Variants in SKAP1 observed in about 807,000 individuals in gnomAD.
SKAP1 encodes src kinase-associated phosphoprotein 1.
A neutral mutation model predicts 58.5 loss-of-function variants in SKAP1; 44 were observed. The ratio of observed to expected loss-of-function variants is 0.75; its 90% CI spans 0.59 to 0.97. The LOEUF is 0.97. Ranked by LOEUF, SKAP1 falls within the 50% of genes least tolerant of loss-of-function variation. The probability of loss-of-function intolerance (pLI) is 0.00; values close to 1 mark genes in which losing one functional copy is unlikely to be tolerated. For missense variants in SKAP1, 390 were observed against 435.2 expected (o/e 0.90, Z 0.92); for synonymous variants, 127 against 149.7 (o/e 0.85, Z 1.11).
intron 1 of SKAP1, among the ~76,000 whole-genome samples, chr17:48,424,589 T>C (rs1378628063): frequency 6.6e-6 from 1 of 151,592 alleles, no homozygotes; most frequent in Admixed American, 6.6e-5. Flanking sequence ...GATTTCAACA[T>C]AAAAATTTTG....
At chr17:48,372,989 A>C (rs2067105497) in intron 2 of SKAP1, among the ~76,000 whole-genome samples, 2 of 152,178 alleles carry the variant, frequency 1.3e-5, no homozygotes, top group South Asian at 4.1e-4. Flanking sequence ...GAGGAAACTC[A>C]AACTCAGGAA....
At chr17:48,418,624 T>G (rs1435577155) in intron 1 of SKAP1, among the ~76,000 whole-genome samples, 1 of 152,252 alleles carries the variant, frequency 6.6e-6, no homozygotes, top group Non-Finnish European at 1.5e-5. Flanking sequence ...TGAGTGCTTA[T>G]GTTCACAAAA....
chr17:48,430,237 G>T, upstream of SKAP1: 1 of 557,266 alleles, frequency 1.8e-6, no homozygotes. Flanking sequence ...GTCGCCGCCC[G>T]CCCAGCCCGG....
intron 4 of SKAP1, among the ~76,000 whole-genome samples, chr17:48,328,093 C>G (rs547635618): frequency 6.6e-6 from 1 of 152,176 alleles, no homozygotes; most frequent in Non-Finnish European, 1.5e-5. Context: ...TGGCTTTCAT[C>G]TGGGTTCCAT....
At chr17:48,386,340 A>G (rs1386084594) in intron 2 of SKAP1, among the ~76,000 whole-genome samples, 1 of 140,010 alleles carries the variant, frequency 7.1e-6, no homozygotes, top group Admixed American at 7.7e-5. Flanking sequence ...CTATAAGACC[A>G]TTCATGCCTT....
chr17:48,168,126 T>C (rs2064162944), intron 10 of SKAP1, among the ~76,000 whole-genome samples: 1 of 151,908 alleles, frequency 6.6e-6, no homozygotes, highest in Admixed American at 6.6e-5. Context: ...TAACACTCAA[T>C]AAGGATGAAC....
the SKAP1 span, among the ~76,000 whole-genome samples, chr17:48,442,648 C>G: frequency 1.2e-4 from 19 of 152,146 alleles, no homozygotes; most frequent in African/African-American, 4.6e-4. Flanking sequence ...CAATCTGGAA[C>G]CCTGGGGGGT....
rs371199543 is a variant in SKAP1, at chr17:48,134,852, C to T, written c.*8-1036G>A. On this transcript the variant is annotated intron_variant, in intron 12 of 12. Transcript: ENST00000336915. ...CCAAGTAGCTGGGATTACAGGTGCC[C>T]GCCACCATGCCTGGCTAATTTTTGT... 2.2e-4 allele frequency among the ~76,000 whole-genome samples: 33 copies of T among 152,014 alleles called. No homozygotes were observed. The East Asian group carries it at 4.7e-3, about 21-fold the overall frequency.
At chr17:48,322,599 T>C (rs532561228) in intron 4 of SKAP1, among the ~76,000 whole-genome samples, 1 of 152,212 alleles carries the variant, frequency 6.6e-6, no homozygotes, top group African/African-American at 2.4e-5. Context: ...AGGAGGAAGG[T>C]GACAGAACAA....
intron 10 of SKAP1, among the ~76,000 whole-genome samples, chr17:48,165,623 C>T (rs1267950127): frequency 6.6e-6 from 1 of 152,058 alleles, no homozygotes; most frequent in Admixed American, 6.6e-5. Context: ...TGGTCTTGAA[C>T]TCCCGACCTC....
intron 4 of SKAP1, among the ~76,000 whole-genome samples, chr17:48,193,934 AAAG>A (rs1337569015): frequency 5.3e-5 from 8 of 152,212 alleles, no homozygotes; most frequent in African/African-American, 1.9e-4. Context: ...ACAATTAAAA[AAAG>A]AAGCTTTTTA....
At chr17:48,241,860 C>A (rs1194136182) in intron 4 of SKAP1, among the ~76,000 whole-genome samples, 1 of 152,112 alleles carries the variant, frequency 6.6e-6, no homozygotes, top group African/African-American at 2.4e-5. Context: ...TTACCTGTCC[C>A]AAAAGCACTT....
At chr17:48,333,115 G>A (rs1224640578) in intron 4 of SKAP1, among the ~76,000 whole-genome samples, 1 of 152,124 alleles carries the variant, frequency 6.6e-6, no homozygotes, top group Non-Finnish European at 1.5e-5. Flanking sequence ...TACTGTAACA[G>A]CCATAATTTC....
At chr17:48,390,529 T>A (rs556813466) in intron 2 of SKAP1, among the ~76,000 whole-genome samples, 30 of 152,326 alleles carry the variant, frequency 2.0e-4, no homozygotes, top group Non-Finnish European at 3.5e-4. Flanking sequence ...CTAATAGGAA[T>A]GTGCCCAAGT....
chr17:48,398,153 G>A (rs2067445372), intron 1 of SKAP1, among the ~76,000 whole-genome samples: 1 of 152,190 alleles, frequency 6.6e-6, no homozygotes, highest in Admixed American at 6.5e-5. Context: ...ATGGCAGGAG[G>A]TGAGCAGCAG....
intron 3 of SKAP1, among the ~76,000 whole-genome samples, chr17:48,358,382 G>A (rs901840450): frequency 5.3e-5 from 8 of 152,048 alleles, no homozygotes; most frequent in Admixed American, 2.6e-4. Flanking sequence ...TAAAGATGGT[G>A]TTTCTTTGCT....
At chr17:48,430,463 A>G (rs141388136), upstream of SKAP1, among the ~76,000 whole-genome samples, 792 of 152,114 alleles carry the variant, frequency 5.2e-3, 4 homozygotes, top group Non-Finnish European at 9.0e-3. Flanking sequence ...GGCTCAAAGG[A>G]CCCACGGCTT....
At chr17:48,338,433 T>C (rs1165676633) in intron 4 of SKAP1, among the ~76,000 whole-genome samples, 1 of 152,208 alleles carries the variant, frequency 6.6e-6, no homozygotes, top group Non-Finnish European at 1.5e-5. Context: ...ATTACAGGCA[T>C]GAGTCACCGC....
intron 4 of SKAP1, among the ~76,000 whole-genome samples, chr17:48,242,527 CA>C (rs2065253470): frequency 6.6e-6 from 1 of 152,152 alleles, no homozygotes; most frequent in Non-Finnish European, 1.5e-5. Context: ...TAAAAGGGAA[CA>C]AACCCTCAAC....
Sources: gnomAD v4.1 joint callset for allele counts (sites outside exome capture counted in the v4.1 genomes callset) on GRCh38, gnomAD v4.1.1 for gene constraint, MANE v1.5 for transcripts, NCBI Gene and HGNC (gene_info 2026-07-23, HGNC 2026-07-21) for gene names.